Variants in SLC6A17 observed in about 807,000 individuals in gnomAD.
SLC6A17 encodes solute carrier family 6 member 17.
SLC6A17 carries 21 observed loss-of-function variants against 64.5 expected under a neutral mutation model. That is an observed-to-expected ratio of 0.33 (90% confidence interval 0.23 to 0.47). The LOEUF is 0.47. Ranked by LOEUF, SLC6A17 falls within the 20% of genes least tolerant of loss-of-function variation. The probability of loss-of-function intolerance (pLI) is 1.00; values close to 1 mark genes in which losing one functional copy is unlikely to be tolerated. For synonymous variants in SLC6A17, 372 were observed against 399.5 expected (o/e 0.93, Z 0.82); for missense variants, 682 against 963.2 (o/e 0.71, Z 3.86).
rs1463451367 is a variant in SLC6A17, at chr1:110,198,571, C to G, written c.*127C>G. 1.4e-6 allele frequency: 2 copies of G among 1,449,574 alleles called. No homozygotes were observed. Among genetic ancestry groups the G allele is most frequent in the Non-Finnish European group, 9.2e-7 (1 of 1,088,790 alleles). 89.8% of individuals were successfully genotyped at this position (1,449,574 alleles called of 1,614,324 possible). On this transcript the variant is annotated 3_prime_UTR_variant, in exon 12 of 12. Coordinates refer to ENST00000331565, the MANE Select transcript of SLC6A17 (RefSeq NM_001010898.4). ...CTTTGCCCAAGAAGAGAGGGTCTGC[C>G]CTGCCTCACTCCCCTCTTCAGTCCC... is the stretch of plus-strand genomic sequence containing the variant.
In SLC6A17 at chr1:110,200,957, C is replaced by T. The variant is rs2100958818; in HGVS notation, c.*2513C>T. 1 of 152,220 alleles carries T rather than the reference C, an allele frequency of 6.6e-6. No individual in the cohort carries two copies. Among genetic ancestry groups the T allele is most frequent in the Admixed American group, 6.5e-5 (1 of 15,300 alleles). 9.4% of individuals were successfully genotyped at this position (152,220 alleles called of 1,614,324 possible). ...GGCCGGCAGGGTGCTTCGGGAGCCC[C>T]CTGCTACGGGGAAAGGCATGTGTTT... is the stretch of plus-strand genomic sequence containing the variant. On this transcript the variant is annotated 3_prime_UTR_variant, in exon 12 of 12. Coordinates refer to ENST00000331565, the MANE Select transcript of SLC6A17 (RefSeq NM_001010898.4).
At chr1:110,195,124 C>T (rs914542889) in intron 9 of SLC6A17, 1 of 424,384 alleles carries the variant, frequency 2.4e-6, no homozygotes, top group Non-Finnish European at 4.4e-6. Context: ...ATCTTTGTCA[C>T]TCCAGTCCCG....
At chr1:110,187,001 C>T (rs1289819356) in intron 6 of SLC6A17, among the ~76,000 whole-genome samples, 2 of 152,070 alleles carry the variant, frequency 1.3e-5, no homozygotes, top group Admixed American at 1.3e-4. Flanking sequence ...AGTAAGTTAC[C>T]TGCATGTAGA....
intron 1 of SLC6A17, among the ~76,000 whole-genome samples, chr1:110,160,854 G>T (rs970673906): frequency 1.3e-5 from 2 of 152,180 alleles, no homozygotes; most frequent in African/African-American, 4.8e-5. Context: ...GAGTGGGGTG[G>T]CGTGGCATTT....
chr1:110,198,213 C>T lies in SLC6A17; in HGVS notation c.1953C>T (p.Leu651=), dbSNP rs1464812707. 2 of 1,614,214 alleles carry T rather than the reference C, an allele frequency of 1.2e-6. No individual in the cohort carries two copies. The highest frequency in any genetic ancestry group is 2.2e-5 in the South Asian group (2 of 91,090). The change falls in exon 12 of 12, where the codon CTC becomes CTT. Residue 651 remains leucine, a synonymous_variant. Coordinates refer to ENST00000331565, the MANE Select transcript of SLC6A17 (RefSeq NM_001010898.4). Reference sequence around the variant, plus strand: ...TGCTCTCTGATGGCTCCAACACCCTCTCCGTGTCCTACAAGAAGGGCCGCA... The same window carrying T: ...TGCTCTCTGATGGCTCCAACACCCTTTCCGTGTCCTACAAGAAGGGCCGCA... The part of the protein sequence containing the change: ...FHLLSDGSNT[L]SVSYKKGRMM...
intron 1 of SLC6A17, among the ~76,000 whole-genome samples, chr1:110,163,404 T>A (rs1655969243): frequency 6.6e-6 from 1 of 152,172 alleles, no homozygotes; most frequent in Non-Finnish European, 1.5e-5. Context: ...ACATATTTTT[T>A]AAATGCATAA....
Position 110,197,492 on chromosome 1 carries a change from T to C in SLC6A17, c.1708T>C (p.Tyr570His). The change falls in exon 11 of 12, where the codon TAC becomes CAC. Residue 570 changes from tyrosine to histidine, a missense_variant. Coordinates refer to ENST00000331565, the MANE Select transcript of SLC6A17 (RefSeq NM_001010898.4). ...CTTCCGCCCCTACCGCTTCTATTTC[T>C]ACATGTGGAAGTTCGTGTCTCCACT... is the stretch of plus-strand genomic sequence containing the variant. ...LGFRPYRFYF[Y>H]MWKFVSPLCM... is the part of the protein sequence containing the mutation. The C allele has an allele frequency of 6.2e-7, 1 of 1,613,780 alleles. No individual in the cohort carries two copies. The highest frequency in any genetic ancestry group is 8.5e-7 in the Non-Finnish European group (1 of 1,179,966).
At position 110,199,924 on chromosome 1, in the gene SLC6A17, T is replaced by C; in HGVS notation, c.*1480T>C. On this transcript the variant is annotated 3_prime_UTR_variant, in exon 12 of 12. Coordinates refer to ENST00000331565, the MANE Select transcript of SLC6A17 (RefSeq NM_001010898.4). The stretch of plus-strand genomic sequence containing the variant: ...ATAGATGGATGGATGGATGGATGGA[T>C]GGGTTGGGGGGTGGGGGTGGATGGA... 8.4e-6 allele frequency: 1 copy of C among 118,714 alleles called. No individual in the cohort carries two copies. The highest frequency in any genetic ancestry group is 1.4e-5 in the Non-Finnish European group (1 of 69,476). The allele number at this position is 118,714 out of a possible 1,614,324, so 7.4% of individuals were successfully genotyped here.
intron 6 of SLC6A17, among the ~76,000 whole-genome samples, chr1:110,186,467 AG>A (rs1656688003): frequency 7.1e-6 from 1 of 141,292 alleles, no homozygotes; most frequent in Non-Finnish European, 1.5e-5. Context: ...AAAAGGAAAG[AG>A]AAGAGGAAAG....
intron 2 of SLC6A17, 79 bp downstream of exon 2, chr1:110,167,294 C>T (rs1656093739): frequency 6.6e-7 from 1 of 1,510,426 alleles, no homozygotes. Context: ...CACCCCTTTG[C>T]TGAGGCAGAA....
At chr1:110,151,098 A>C (rs1030941665) in intron 1 of SLC6A17, among the ~76,000 whole-genome samples, 1 of 152,202 alleles carries the variant, frequency 6.6e-6, no homozygotes, top group Non-Finnish European at 1.5e-5. Flanking sequence ...TCCTTCGCGC[A>C]TCGGGGTCCC....
chr1:110,189,541 T>C (rs975646895), intron 6 of SLC6A17, among the ~76,000 whole-genome samples: 12 of 152,232 alleles, frequency 7.9e-5, no homozygotes, highest in Non-Finnish European at 1.5e-4. Context: ...TTATTTCTTT[T>C]GGAAATGCAC....
At chr1:110,165,427 A>T (rs1656021884) in intron 1 of SLC6A17, among the ~76,000 whole-genome samples, 1 of 152,174 alleles carries the variant, frequency 6.6e-6, no homozygotes, top group African/African-American at 2.4e-5. Context: ...GCCCTGTCAT[A>T]GTTACCCCAA....
At chr1:110,156,158 T>A (rs1655755659) in intron 1 of SLC6A17, among the ~76,000 whole-genome samples, 1 of 152,218 alleles carries the variant, frequency 6.6e-6, no homozygotes, top group African/African-American at 2.4e-5. Flanking sequence ...GGACTCCACA[T>A]AACAGCTGAA....
At chr1:110,184,064 C>T (rs746038659) in intron 6 of SLC6A17, among the ~76,000 whole-genome samples, 1 of 152,134 alleles carries the variant, frequency 6.6e-6, no homozygotes. Context: ...TCTGAAAGCA[C>T]GCTGTTTCCG....
chr1:110,196,057 A>G (rs1160790612), intron 10 of SLC6A17, among the ~76,000 whole-genome samples: 6 of 152,182 alleles, frequency 3.9e-5, no homozygotes, highest in Admixed American at 6.5e-5. Flanking sequence ...TGGGTCTACA[A>G]GAGGCCCTTG....
intron 1 of SLC6A17, among the ~76,000 whole-genome samples, chr1:110,159,947 A>G (rs1034919097): frequency 2.0e-4 from 30 of 152,232 alleles, no homozygotes; most frequent in African/African-American, 6.5e-4. Context: ...AGATACCAGG[A>G]TTTGGCCTTG....
chr1:110,179,644 C>T (rs1656468198), intron 6 of SLC6A17, among the ~76,000 whole-genome samples: 1 of 151,472 alleles, frequency 6.6e-6, no homozygotes, highest in African/African-American at 2.4e-5. Flanking sequence ...ACGTCCACCT[C>T]CCGGGTTCAA....
chr1:110,173,892 CGTGCTGG>C, intron 3 of SLC6A17, 74 bp from the exon 4 acceptor site: 4 of 1,552,150 alleles, frequency 2.6e-6, no homozygotes, highest in Admixed American at 1.9e-5. Flanking sequence ...GCGCTGCCGA[CGTGCTGG>C]GCCTCGGGTG....
Sources: allele counts gnomAD v4.1 joint callset (sites outside exome capture counted in the v4.1 genomes callset), GRCh38; gene constraint gnomAD v4.1.1; transcripts MANE v1.5; gene names NCBI Gene and HGNC (gene_info 2026-07-23, HGNC 2026-07-21).